NRXN1: variants seen among roughly 807,000 people sequenced by gnomAD.
NRXN1 encodes neurexin-1.
NRXN1 carries 39 observed loss-of-function variants against 150.9 expected under a neutral mutation model. That is an observed-to-expected ratio of 0.26 (90% CI 0.20 to 0.34). NRXN1 has a LOEUF of 0.34. NRXN1 is among the 10% of genes least tolerant of loss of function. The probability of loss-of-function intolerance (pLI) is 1.00; values close to 1 mark genes in which losing one functional copy is unlikely to be tolerated. For synonymous variants in NRXN1, 924 were observed against 757.0 expected (o/e 1.22, Z -3.62); for missense variants, 1,815 against 1,949.9 (o/e 0.93, Z 1.30).
chr2:50,755,329 G>T (rs1701043495), intron 5 of NRXN1, among the ~76,000 whole-genome samples: 1 of 151,794 alleles, frequency 6.6e-6, no homozygotes, highest in African/African-American at 2.4e-5. Flanking sequence ...AATGAAAACA[G>T]CCTGCTCTGC....
At chr2:50,801,173 G>C (rs1234631990) in intron 5 of NRXN1, among the ~76,000 whole-genome samples, 5 of 151,994 alleles carry the variant, frequency 3.3e-5, no homozygotes, top group African/African-American at 1.2e-4. Context: ...GCTTATTTAT[G>C]TCAAAGTTTC....
intron 12 of NRXN1, among the ~76,000 whole-genome samples, chr2:50,525,811 G>T (rs781176898): frequency 6.6e-6 from 1 of 151,940 alleles, no homozygotes; most frequent in African/African-American, 2.4e-5. Context: ...TTTTCTTCCC[G>T]GGGGGGAAAT....
At chr2:50,145,011 AT>A (rs1269490371) in intron 18 of NRXN1, among the ~76,000 whole-genome samples, 3 of 151,820 alleles carry the variant, frequency 2.0e-5, no homozygotes, top group Non-Finnish European at 4.4e-5. Context: ...ACTAATATAA[AT>A]GTAGCTATTT....
intron 18 of NRXN1, among the ~76,000 whole-genome samples, chr2:50,224,711 G>A (rs931918742): frequency 6.7e-6 from 1 of 150,270 alleles, no homozygotes; most frequent in Admixed American, 6.6e-5. Context: ...GAGAGAGAGA[G>A]AGAGAGAGAG....
At chr2:50,133,339 C>G (rs891031103) in intron 18 of NRXN1, among the ~76,000 whole-genome samples, 33 of 136,770 alleles carry the variant, frequency 2.4e-4, no homozygotes, top group African/African-American at 8.7e-4. Flanking sequence ...ACTCAGCAAT[C>G]TGGTTTCAGA....
intron 19 of NRXN1, among the ~76,000 whole-genome samples, chr2:50,057,338 C>T (rs1473849550): frequency 1.3e-5 from 2 of 152,162 alleles, no homozygotes; most frequent in African/African-American, 4.8e-5. Context: ...AAAATACTCT[C>T]CCTTGTTCCC....
intron 17 of NRXN1, among the ~76,000 whole-genome samples, chr2:50,297,214 T>C (rs923430911): frequency 6.6e-6 from 1 of 152,122 alleles, no homozygotes; most frequent in African/African-American, 2.4e-5. Context: ...AATGGCTGTA[T>C]AGTATTCTGT....
At chr2:50,421,970 G>A (rs2084033883) in intron 17 of NRXN1, among the ~76,000 whole-genome samples, 1 of 152,018 alleles carries the variant, frequency 6.6e-6, no homozygotes, top group Non-Finnish European at 1.5e-5. Flanking sequence ...TCTCCCATCT[G>A]AGCCCTTCAT....
intron 21 of NRXN1, among the ~76,000 whole-genome samples, chr2:50,043,708 A>T (rs1170447316): frequency 6.6e-6 from 1 of 152,158 alleles, no homozygotes; most frequent in Non-Finnish European, 1.5e-5. Context: ...TCCAGGGCCA[A>T]ATTTTTACTG....
At chr2:50,297,801 C>G (rs10194700) in intron 17 of NRXN1, among the ~76,000 whole-genome samples, 4,926 of 152,096 alleles carry the variant, frequency 0.032, 272 homozygotes, top group African/African-American at 0.11. Context: ...TAACTTTTTT[C>G]TTAGTGTTGA....
chr2:50,982,191 C>A (rs1049959904), intron 2 of NRXN1, among the ~76,000 whole-genome samples: 2 of 152,076 alleles, frequency 1.3e-5, no homozygotes, highest in East Asian at 3.9e-4. Context: ...CTTGACAGTT[C>A]GGTCATGTTT....
chr2:49,930,752 G>A (rs1239498817), intron 22 of NRXN1, among the ~76,000 whole-genome samples: 2 of 152,090 alleles, frequency 1.3e-5, no homozygotes, highest in Non-Finnish European at 2.9e-5. Flanking sequence ...TGAACACACT[G>A]GCTGAAAACT....
At position 50,200,376 on chromosome 2, in the gene NRXN1, T is replaced by C. The variant is rs140991327; in HGVS notation, c.3546+36413A>G. Among the ~76,000 whole-genome samples the C allele has an allele frequency of 6.2e-4, 94 of 152,294 alleles. 1 individual carries two copies. The highest frequency in any genetic ancestry group is 1.8e-3 in the African/African-American group (73 of 41,584). Reference sequence around the variant, plus strand: ...ATTGGCCTCATTACTGTTTCTACTATGAAATACAGTCTTCTAAGACATTAA... The same window carrying C: ...ATTGGCCTCATTACTGTTTCTACTACGAAATACAGTCTTCTAAGACATTAA... On this transcript the variant is annotated intron_variant, in intron 18 of 22. Transcript: ENST00000401669.
intron 17 of NRXN1, among the ~76,000 whole-genome samples, chr2:50,435,564 T>C (rs1558727697): frequency 6.6e-6 from 1 of 152,200 alleles, no homozygotes; most frequent in Non-Finnish European, 1.5e-5. Flanking sequence ...TTTAGGTTTA[T>C]TCCACATCTT....
intron 17 of NRXN1, among the ~76,000 whole-genome samples, chr2:50,305,475 A>G (rs1215078561): frequency 2.0e-5 from 3 of 152,206 alleles, no homozygotes. Flanking sequence ...AATTCAGTAA[A>G]CACATACCAG....
At chr2:50,107,389 C>T (rs1701798265) in intron 18 of NRXN1, among the ~76,000 whole-genome samples, 1 of 151,362 alleles carries the variant, frequency 6.6e-6, no homozygotes, top group Non-Finnish European at 1.5e-5. Context: ...TTCATTATTG[C>T]ACTACCCATC....
At chr2:50,439,150 T>C (rs1007900792) in intron 17 of NRXN1, among the ~76,000 whole-genome samples, 2 of 152,174 alleles carry the variant, frequency 1.3e-5, no homozygotes, top group Admixed American at 1.3e-4. Context: ...GTGACTACAA[T>C]ACCTCCAGCA....
At chr2:50,769,313 A>G (rs1412272466) in intron 5 of NRXN1, among the ~76,000 whole-genome samples, 1 of 152,062 alleles carries the variant, frequency 6.6e-6, no homozygotes, top group African/African-American at 2.4e-5. Flanking sequence ...ATCCAACTCA[A>G]TCACAGACAT....
At chr2:50,056,495 C>A (rs1573644381) in intron 19 of NRXN1, among the ~76,000 whole-genome samples, 1 of 152,052 alleles carries the variant, frequency 6.6e-6, no homozygotes, top group South Asian at 2.1e-4. Context: ...ATATGTATTT[C>A]TCTGTATTCT....
Sources: gnomAD v4.1 joint callset for allele counts (sites outside exome capture counted in the v4.1 genomes callset) on GRCh38, gnomAD v4.1.1 for gene constraint, MANE v1.5 for transcripts, NCBI Gene and HGNC (gene_info 2026-07-23, HGNC 2026-07-21) for gene names.